GABRB1: variants seen among roughly 807,000 people sequenced by gnomAD.
GABRB1 encodes the protein gamma-aminobutyric acid receptor subunit beta-1.
Under a neutral mutation model 51.6 loss-of-function variants are expected in GABRB1, and 17 were observed. The observed-to-expected ratio is 0.33, with a 90% CI of 0.23 to 0.49. The LOEUF (loss-of-function observed/expected upper bound fraction) is 0.49, where lower values mean the gene tolerates loss of function less well. GABRB1 is among the 20% of genes least tolerant of loss of function. The pLI is 0.99. For synonymous variants in GABRB1, 247 were observed against 218.9 expected (o/e 1.13, Z -1.14); for missense variants, 410 against 600.6 (o/e 0.68, Z 3.32).
chr4:47,255,302 G>A (rs1483480112), intron 4 of GABRB1, among the ~76,000 whole-genome samples: 5 of 152,220 alleles, frequency 3.3e-5, no homozygotes, highest in African/African-American at 7.2e-5. Context: ...AAATTTTCAC[G>A]AGAAATCTGA....
chr4:47,318,595 T>A (rs182603039), intron 4 of GABRB1, among the ~76,000 whole-genome samples: 2 of 152,210 alleles, frequency 1.3e-5, no homozygotes, highest in African/African-American at 2.4e-5. Flanking sequence ...TATCCTAGGA[T>A]GAGAGTTCAT....
At chr4:47,079,225 G>A (rs1328518574) in intron 3 of GABRB1, among the ~76,000 whole-genome samples, 2 of 152,162 alleles carry the variant, frequency 1.3e-5, no homozygotes, top group African/African-American at 4.8e-5. Flanking sequence ...GAATTCGGAT[G>A]TGAATCCATC....
intron 4 of GABRB1, among the ~76,000 whole-genome samples, chr4:47,184,318 A>AT (rs1258837642): frequency 1.3e-5 from 2 of 151,968 alleles, no homozygotes; most frequent in African/African-American, 2.4e-5. Context: ...TTACCAGATT[A>AT]CCGAGGACAA....
intron 5 of GABRB1, among the ~76,000 whole-genome samples, chr4:47,325,137 T>G (rs1725213332): frequency 1.3e-5 from 2 of 152,188 alleles, no homozygotes; most frequent in African/African-American, 2.4e-5. Flanking sequence ...ATATTATTTC[T>G]CTGCTTTAAA....
intron 3 of GABRB1, among the ~76,000 whole-genome samples, chr4:47,037,279 A>G (rs1401206095): frequency 6.6e-6 from 1 of 152,104 alleles, no homozygotes; most frequent in African/African-American, 2.4e-5. Context: ...GCCTAAACAT[A>G]CTCTTGATGC....
At chr4:47,307,496 G>A (rs1043718464) in intron 4 of GABRB1, among the ~76,000 whole-genome samples, 2 of 151,748 alleles carry the variant, frequency 1.3e-5, no homozygotes, top group Admixed American at 6.6e-5. Context: ...GATTTTGATG[G>A]TGTTCATTGT....
At chr4:47,117,799 G>C (rs1715571947) in intron 3 of GABRB1, among the ~76,000 whole-genome samples, 1 of 152,146 alleles carries the variant, frequency 6.6e-6, no homozygotes, top group Admixed American at 6.5e-5. Flanking sequence ...ATTATCTCCA[G>C]TTTCCTCATT....
chr4:47,118,919 A>G (rs1252877237), intron 3 of GABRB1, among the ~76,000 whole-genome samples: 1 of 152,212 alleles, frequency 6.6e-6, no homozygotes, highest in African/African-American at 2.4e-5. Context: ...TATTTGGAAA[A>G]GAGAGGGTTA....
chr4:47,407,476 C>T (rs1302380533), intron 8 of GABRB1, among the ~76,000 whole-genome samples: 1 of 152,168 alleles, frequency 6.6e-6, no homozygotes, highest in Non-Finnish European at 1.5e-5. Context: ...ATTGGTACAT[C>T]TTATAACCTG....
intron 4 of GABRB1, among the ~76,000 whole-genome samples, chr4:47,188,151 G>A (rs1719265164): frequency 6.6e-6 from 1 of 151,868 alleles, no homozygotes; most frequent in South Asian, 2.1e-4. Context: ...CCACACAGTG[G>A]GTTTGGATGA....
chr4:47,062,463 A>C (rs1726885273), intron 3 of GABRB1, among the ~76,000 whole-genome samples: 1 of 144,906 alleles, frequency 6.9e-6, no homozygotes, highest in Admixed American at 6.8e-5. Context: ...ATATATATTT[A>C]AATGTTAACT....
In GABRB1 at chr4:47,021,621, T is replaced by C. The variant is rs531649472; in HGVS notation, c.-19-10293T>C. Among the ~76,000 whole-genome samples the C allele has an allele frequency of 1.9e-4, 29 of 152,274 alleles. No individual in the cohort carries two copies. The Middle Eastern group carries it at 0.014, about 71-fold the overall frequency. ...CTCATCTACTATCTCAGTTCCTTCT[T>C]CTTTCTGGGAGAATTATCTGTTCAT... On this transcript the variant is annotated intron_variant, in intron 1 of 3. Transcript: ENST00000513567.
chr4:47,218,766 G>T (rs562140826), intron 4 of GABRB1, among the ~76,000 whole-genome samples: 1 of 151,726 alleles, frequency 6.6e-6, no homozygotes, highest in Non-Finnish European at 1.5e-5. Flanking sequence ...ATTGTGTTAA[G>T]TGTGCTTTTT....
chr4:47,008,878 T>TTTTTTTTTTTTTTTTTTTA (rs1314117751), intron 1 of GABRB1, among the ~76,000 whole-genome samples: 1 of 120,600 alleles, frequency 8.3e-6, no homozygotes, highest in Non-Finnish European at 1.7e-5. Flanking sequence ...TTTTTTTTTT[T>TTTTTTTTTTTTTTTTTTTA]TTTTGAGACG....
At chr4:47,425,516 A>AGATCGATCGATC (rs1553884656) in intron 8 of GABRB1, among the ~76,000 whole-genome samples, 158 bp from the exon 9 acceptor site, 7 of 149,550 alleles carry the variant, frequency 4.7e-5, no homozygotes, top group African/African-American at 1.7e-4. Flanking sequence ...ATAGATAGAT[A>AGATCGATCGATC]GATCGATCGA....
chr4:47,158,759 A>G (rs577738426), intron 3 of GABRB1, among the ~76,000 whole-genome samples: 1 of 152,260 alleles, frequency 6.6e-6, no homozygotes, highest in East Asian at 1.9e-4. Flanking sequence ...AACTGAGTCC[A>G]TCTGCCTACA....
intron 5 of GABRB1, among the ~76,000 whole-genome samples, chr4:47,325,109 C>G (rs1725212601): frequency 6.6e-6 from 1 of 152,154 alleles, no homozygotes; most frequent in African/African-American, 2.4e-5. Flanking sequence ...GTGATCTTTG[C>G]AAGATGTAAA....
At position 47,400,013 on chromosome 4, in the gene GABRB1, T is replaced by A. The variant is rs561916118; in HGVS notation, c.545-3305T>A. ...TCTTTTTGTTTATTATGGCTCCTCGTCTATATAACTCCCTTCTTTCAGGAA... is the reference window on the plus strand; with the variant it reads ...TCTTTTTGTTTATTATGGCTCCTCGACTATATAACTCCCTTCTTTCAGGAA... On this transcript the variant is annotated intron_variant, in intron 5 of 8. Transcript: ENST00000295454. Among the ~76,000 whole-genome samples the A allele has an allele frequency of 1.5e-4, 23 of 152,320 alleles. No homozygotes were observed. In the South Asian group the frequency reaches 4.8e-3, roughly 32 times the overall value.
At chr4:47,295,797 A>G (rs1484676802) in intron 4 of GABRB1, among the ~76,000 whole-genome samples, 1 of 152,168 alleles carries the variant, frequency 6.6e-6, no homozygotes, top group Non-Finnish European at 1.5e-5. Context: ...ACTCCAAGAC[A>G]CATAATTGTC....
Sources: gnomAD v4.1 joint callset for allele counts (sites outside exome capture counted in the v4.1 genomes callset) on GRCh38, gnomAD v4.1.1 for gene constraint, MANE v1.5 for transcripts, NCBI Gene and HGNC (gene_info 2026-07-23, HGNC 2026-07-21) for gene names.